The following KCNMA1 variants were observed in gnomAD, a reference collection of about 807,000 sequenced individuals.
The protein encoded by KCNMA1 is potassium calcium-activated channel subfamily M alpha 1, also known as Calcium-activated potassium channel subunit alpha-1.
A neutral mutation model predicts 140.0 loss-of-function variants in KCNMA1; 29 were observed. That is an observed-to-expected ratio of 0.21 (90% CI 0.15 to 0.28). The LOEUF is 0.28. Among genes scored for constraint, KCNMA1 ranks in the 10% least tolerant of loss-of-function variants. KCNMA1 has a pLI of 1.00. For synonymous variants in KCNMA1, 612 were observed against 611.9 expected, an observed-to-expected ratio of 1.00 and a Z score of 0.00; for missense variants, 880 against 1,602.2, an observed-to-expected ratio of 0.55 and a Z score of 7.70.
intron 16 of KCNMA1, chr10:77,025,461 C>G: frequency 1.3e-6 from 2 of 1,599,782 alleles, no homozygotes; most frequent in Non-Finnish European, 1.7e-6. Flanking sequence ...TCGGCTTCTG[C>G]AAAACGACAA....
At chr10:77,189,526 A>G (rs2098920208) in intron 3 of KCNMA1, among the ~76,000 whole-genome samples, 1 of 152,154 alleles carries the variant, frequency 6.6e-6, no homozygotes, top group African/African-American at 2.4e-5. Context: ...AAAAATGATG[A>G]AGTACAGATG....
At chr10:77,046,890 T>C (rs1304410842) in intron 14 of KCNMA1, among the ~76,000 whole-genome samples, 2 of 152,196 alleles carry the variant, frequency 1.3e-5, no homozygotes, top group Non-Finnish European at 2.9e-5. Flanking sequence ...TGGAGTTAAC[T>C]AGTGATCAAG....
At chr10:77,302,692 G>T (rs1254750993) in intron 2 of KCNMA1, among the ~76,000 whole-genome samples, 2 of 152,304 alleles carry the variant, frequency 1.3e-5, no homozygotes, top group South Asian at 2.1e-4. Context: ...TAGTCTCTGT[G>T]TCCCAGTGTG....
chr10:77,596,190 C>T (rs1454692699), intron 1 of KCNMA1, among the ~76,000 whole-genome samples: 1 of 152,136 alleles, frequency 6.6e-6, no homozygotes, highest in Non-Finnish European at 1.5e-5. Flanking sequence ...GGCAAGATCT[C>T]GAATTGCCGA....
chr10:77,282,566 CT>C (rs1441634193), intron 2 of KCNMA1, among the ~76,000 whole-genome samples: 1 of 152,178 alleles, frequency 6.6e-6, no homozygotes, highest in Non-Finnish European at 1.5e-5. Context: ...AACTCATAAA[CT>C]GTGGGACTTT....
Position 77,027,881 on chromosome 10 carries a change from C to T in KCNMA1, c.1870G>A (p.Val624Met), listed in dbSNP as rs2153527454. 1 of 1,613,732 alleles carries T rather than the reference C, an allele frequency of 6.2e-7. No homozygotes were observed. The highest frequency in any genetic ancestry group is 8.5e-7 in the Non-Finnish European group (1 of 1,179,840). ...SFPTVCELCF[V>M]KLKLLMIAIE... The stretch of plus-strand genomic sequence containing the variant: ...GCTATCATTAGGAGCTTGAGCTTCA[C>T]AAAACACAGCCTGCAATGAGATGGA... The change falls in exon 16 of 28, where the codon GTG becomes ATG. Residue 624 changes from valine to methionine, a missense_variant. By Grantham distance (21) the Val-to-Met change is conservative. Coordinates refer to ENST00000286628, the MANE Select transcript of KCNMA1 (RefSeq NM_001161352.2).
intron 3 of KCNMA1, among the ~76,000 whole-genome samples, chr10:77,240,188 A>T (rs559839881): frequency 1.7e-4 from 26 of 152,332 alleles, no homozygotes; most frequent in African/African-American, 6.0e-4. Flanking sequence ...ACCATGTTTT[A>T]AAAGCTCTTG....
chr10:76,885,704 T>C lies in KCNMA1; in HGVS notation c.*1562A>G. ...CTAGTCCATCCATAAGGGAAATTGGTTATGGTGAATTGGCCAGTTTTTAAG... is the reference window on the plus strand; with the variant it reads ...CTAGTCCATCCATAAGGGAAATTGGCTATGGTGAATTGGCCAGTTTTTAAG... On this transcript the variant is annotated 3_prime_UTR_variant, in exon 28 of 28. Coordinates refer to ENST00000286628, the MANE Select transcript of KCNMA1 (RefSeq NM_001161352.2). The C allele has an allele frequency of 1.0e-6, 1 of 985,352 alleles. No individual in the cohort carries two copies. Among genetic ancestry groups the C allele is most frequent in the Non-Finnish European group, 1.2e-6 (1 of 829,898 alleles). The allele number at this position is 985,352 out of a possible 1,614,324, so 61.0% of individuals were successfully genotyped here. A position where few individuals can be genotyped will look rare whatever the true frequency, so the allele number is the denominator to read the frequency against.
chr10:77,153,031 A>C (rs577433170), intron 5 of KCNMA1, among the ~76,000 whole-genome samples: 1 of 152,302 alleles, frequency 6.6e-6, no homozygotes, highest in African/African-American at 2.4e-5. Context: ...GGGCATCTTG[A>C]GACCTTATAG....
At chr10:77,545,664 A>C (rs752741476) in intron 1 of KCNMA1, among the ~76,000 whole-genome samples, 1 of 152,186 alleles carries the variant, frequency 6.6e-6, no homozygotes, top group Non-Finnish European at 1.5e-5. Flanking sequence ...GCTTCCTGGC[A>C]GGGTCATGTT....
downstream of KCNMA1, among the ~76,000 whole-genome samples, chr10:76,882,085 G>T (rs750562156): frequency 1.3e-5 from 2 of 152,196 alleles, no homozygotes; most frequent in Non-Finnish European, 2.9e-5. Context: ...GGCTCTTGCA[G>T]GGAAGGGCCC....
intron 1 of KCNMA1, among the ~76,000 whole-genome samples, chr10:77,456,570 A>G (rs1038299900): frequency 2.0e-5 from 3 of 152,340 alleles, no homozygotes; most frequent in East Asian, 1.9e-4. Flanking sequence ...AACGTCTGGC[A>G]TATGGCAGGT....
chr10:77,293,815 A>G lies in KCNMA1; in HGVS notation c.541-42559T>C, dbSNP rs571511808. 3.9e-5 allele frequency among the ~76,000 whole-genome samples: 6 copies of G among 152,370 alleles called. No homozygotes were observed. The South Asian group carries it at 1.0e-3, about 26-fold the overall frequency. ...AATAGAAATGCAGTCCCCATCATGC[A>G]TTCTTTCCCAAAATGCGACTAATCT... is the stretch of plus-strand genomic sequence containing the variant. On this transcript the variant is annotated intron_variant, in intron 2 of 27. Transcript: ENST00000286628.
chr10:77,165,276 A>C (rs1199467851), intron 5 of KCNMA1, among the ~76,000 whole-genome samples: 1 of 152,238 alleles, frequency 6.6e-6, no homozygotes, highest in Non-Finnish European at 1.5e-5. Context: ...AATGCAGAGA[A>C]GTCCTCACTT....
intron 12 of KCNMA1, among the ~76,000 whole-genome samples, chr10:77,083,084 C>T (rs955826146): frequency 6.6e-6 from 1 of 152,106 alleles, no homozygotes; most frequent in Non-Finnish European, 1.5e-5. Context: ...ACCAAGCCAC[C>T]GGTAGAGGGG....
chr10:77,311,405 T>TCTCG (rs2079248977), intron 2 of KCNMA1, among the ~76,000 whole-genome samples: 1 of 151,972 alleles, frequency 6.6e-6, no homozygotes, highest in Admixed American at 6.6e-5. Flanking sequence ...CCTCCCTGCT[T>TCTCG]CTCGGCACCA....
intron 1 of KCNMA1, among the ~76,000 whole-genome samples, chr10:77,463,581 T>A (rs142448565): frequency 6.6e-6 from 1 of 152,230 alleles, no homozygotes; most frequent in Admixed American, 6.5e-5. Flanking sequence ...ACAAACTAGG[T>A]TAGCACTCAG....
At chr10:76,975,721 C>A (rs1028665884) in intron 19 of KCNMA1, among the ~76,000 whole-genome samples, 26 of 152,180 alleles carry the variant, frequency 1.7e-4, no homozygotes, top group African/African-American at 6.0e-4. Flanking sequence ...GCCTGACAAC[C>A]TTGAATAGCA....
At chr10:77,166,297 G>A (rs1363928540) in intron 5 of KCNMA1, among the ~76,000 whole-genome samples, 6 of 152,084 alleles carry the variant, frequency 3.9e-5, no homozygotes, top group Non-Finnish European at 8.8e-5. Context: ...AGTATTTTAC[G>A]TTTGCTAAAA....
Sources: gnomAD v4.1 joint callset for allele counts (sites outside exome capture counted in the v4.1 genomes callset) on GRCh38, gnomAD v4.1.1 for gene constraint, MANE v1.5 for transcripts, NCBI Gene and HGNC (gene_info 2026-07-23, HGNC 2026-07-21) for gene names.